The following SMAD9 variants were observed in gnomAD, a reference collection of about 807,000 sequenced individuals.
SMAD9 encodes the protein SMAD family member 9, also known as MAD homolog 9.
Under a neutral mutation model 46.1 loss-of-function variants are expected in SMAD9, and 36 were observed. The observed-to-expected ratio is 0.78, with a 90% confidence interval of 0.60 to 1.03. SMAD9 has a LOEUF of 1.03. SMAD9 is among the 50% of genes least tolerant of loss of function. SMAD9 has a pLI of 0.00. For missense variants in SMAD9, 572 were observed against 599.8 expected, an observed-to-expected ratio of 0.95 and a Z score of 0.48; for synonymous variants, 245 against 237.1, an observed-to-expected ratio of 1.03 and a Z score of -0.31.
intron 3 of SMAD9, among the ~76,000 whole-genome samples, chr13:36,870,871 A>T (rs1328195150): frequency 6.6e-6 from 1 of 152,206 alleles, no homozygotes; most frequent in Non-Finnish European, 1.5e-5. Context: ...TCAACAGTAG[A>T]TCTGATCACA....
chr13:36,893,063 T>C (rs1366836843), intron 1 of SMAD9, among the ~76,000 whole-genome samples: 2 of 152,194 alleles, frequency 1.3e-5, no homozygotes, highest in African/African-American at 4.8e-5. Flanking sequence ...ATAGAAATAG[T>C]TGGTTCAAGA....
chr13:36,885,223 C>T (rs1463013289), intron 1 of SMAD9, among the ~76,000 whole-genome samples: 2 of 152,112 alleles, frequency 1.3e-5, no homozygotes, highest in Non-Finnish European at 2.9e-5. Flanking sequence ...ATAATAAATG[C>T]TTATTTTACT....
intron 2 of SMAD9, among the ~76,000 whole-genome samples, chr13:36,874,640 G>A (rs1309400654): frequency 6.6e-6 from 1 of 151,934 alleles, no homozygotes; most frequent in Non-Finnish European, 1.5e-5. Flanking sequence ...GGTGGATCAC[G>A]AGGTCAGGAG....
Position 36,879,512 on chromosome 13 carries a change from T to G in SMAD9, c.178A>C (p.Ser60Arg), listed in dbSNP as rs748925910. The G allele has an allele frequency of 6.2e-7, 1 of 1,614,174 alleles. No individual in the cohort carries two copies. The highest frequency in any genetic ancestry group is 1.1e-5 in the South Asian group (1 of 91,090). The change falls in exon 2 of 7, where the codon AGC becomes CGC. Residue 60 changes from serine to arginine, a missense_variant. By Grantham distance (110) the Ser-to-Arg change is moderately radical. Coordinates refer to ENST00000379826, the MANE Select transcript of SMAD9 (RefSeq NM_001127217.3). ...GAMDELERAL[S>R]CPGQPSKCVT... ...CATTTGCTGGGCTGCCCCGGGCAGCTGAGAGCCCTCTCCAGCTCGTCCATG... is the reference window on the plus strand; with the variant it reads ...CATTTGCTGGGCTGCCCCGGGCAGCGGAGAGCCCTCTCCAGCTCGTCCATG...
intron 6 of SMAD9, chr13:36,851,713 G>GC (rs1294087487): frequency 1.0e-6 from 1 of 970,578 alleles, no homozygotes; most frequent in African/African-American, 1.8e-5. Flanking sequence ...AGCTACAGCT[G>GC]CTCATCTCAA....
intron 1 of SMAD9, among the ~76,000 whole-genome samples, chr13:36,902,633 T>C (rs182126884): frequency 2.4e-4 from 36 of 152,148 alleles, no homozygotes; most frequent in Admixed American, 2.2e-3. Context: ...TTTTTTTGTA[T>C]TTTTAGTAGA....
In SMAD9 at chr13:36,846,123, AT is replaced by A. The variant is rs879741300; in HGVS notation, c.*2552del. 9.7e-4 allele frequency: 145 copies of A among 148,740 alleles called. No homozygotes were observed. Among genetic ancestry groups the A allele is most frequent in the Non-Finnish European group, 1.6e-3 (104 of 66,986 alleles). 9.2% of individuals were successfully genotyped at this position (148,740 alleles called of 1,614,324 possible). On this transcript the variant is annotated 3_prime_UTR_variant, in exon 7 of 7. Coordinates refer to ENST00000379826, the MANE Select transcript of SMAD9 (RefSeq NM_001127217.3). ...TATAGGAATGAGCCACTGCATCCAG[AT>A]TTTTTTTTTGTTTTTAATGTCATTT...
chr13:36,898,429 C>T (rs1355090396), intron 1 of SMAD9, among the ~76,000 whole-genome samples: 1 of 151,760 alleles, frequency 6.6e-6, no homozygotes, highest in Non-Finnish European at 1.5e-5. Context: ...TAGCATGACC[C>T]TGATGCAAAA....
intron 1 of SMAD9, among the ~76,000 whole-genome samples, chr13:36,893,939 T>C (rs1379371089): frequency 6.6e-6 from 1 of 152,172 alleles, no homozygotes; most frequent in Non-Finnish European, 1.5e-5. Flanking sequence ...CTTTTGAATG[T>C]ATCAAATATT....
intron 1 of SMAD9, among the ~76,000 whole-genome samples, chr13:36,892,078 C>T (rs17217404): frequency 0.17 from 25,905 of 151,990 alleles, 2,719 homozygotes; most frequent in Non-Finnish European, 0.24. Context: ...TTGTCAATGA[C>T]GATGGTAGTA....
At chr13:36,862,424 C>T (rs2058191330) in intron 5 of SMAD9, among the ~76,000 whole-genome samples, 1 of 152,174 alleles carries the variant, frequency 6.6e-6, no homozygotes, top group Admixed American at 6.5e-5. Context: ...AATTATAATG[C>T]ATCAGCATGC....
At position 36,920,155 on chromosome 13, in the gene SMAD9, G is replaced by A; in HGVS notation, c.-226C>T. The A allele has an allele frequency of 6.5e-6, 1 of 154,108 alleles. No homozygotes were observed. Among genetic ancestry groups the A allele is most frequent in the Non-Finnish European group, 1.4e-5 (1 of 73,032 alleles). The allele number at this position is 154,108 out of a possible 1,614,324, so 9.5% of individuals were successfully genotyped here. A position where few individuals can be genotyped will look rare whatever the true frequency, so the allele number is the denominator to read the frequency against. The stretch of plus-strand genomic sequence containing the variant: ...CGCCCAGCGCCTGCAGGGCCCGGCG[G>A]CGGCGGCGGGGACCGAGACAGCGGC... On this transcript the variant is annotated 5_prime_UTR_variant, in exon 1 of 7. Transcript: ENST00000379826.
upstream of SMAD9, chr13:36,920,734 G>A (rs1006698785): frequency 3.3e-5 from 5 of 152,308 alleles, no homozygotes; most frequent in Admixed American, 3.3e-4. Context: ...AGACCCTTCT[G>A]AGCTGCTGTT....
At chr13:36,851,343 C>T (rs533816490) in intron 6 of SMAD9, among the ~76,000 whole-genome samples, 13 of 152,168 alleles carry the variant, frequency 8.5e-5, no homozygotes, top group Non-Finnish European at 1.3e-4. Context: ...CCAGGGGTCC[C>T]TGGGCCTAGC....
At chr13:36,853,740 C>T (rs375063299) in intron 5 of SMAD9, 65 bp from the exon 6 acceptor site, 2 of 1,562,044 alleles carry the variant, frequency 1.3e-6, no homozygotes, top group Middle Eastern at 1.7e-4. Context: ...CCCACTGATT[C>T]CTGAAACCCT....
chr13:36,902,612 C>T (rs1202058647), intron 1 of SMAD9, among the ~76,000 whole-genome samples: 1 of 152,112 alleles, frequency 6.6e-6, no homozygotes, highest in East Asian at 1.9e-4. Context: ...CGCCACCACG[C>T]CCATCTAATT....
At chr13:36,857,817 C>T (rs149941386) in intron 5 of SMAD9, among the ~76,000 whole-genome samples, 23 of 152,238 alleles carry the variant, frequency 1.5e-4, no homozygotes, top group Admixed American at 2.0e-4. Context: ...GAAGCCTCTC[C>T]ACTCCTCTTA....
At chr13:36,853,750 T>G in intron 5 of SMAD9, 75 bp from the exon 6 acceptor site, 1 of 1,505,468 alleles carries the variant, frequency 6.6e-7, no homozygotes, top group Admixed American at 1.7e-5. Flanking sequence ...CCTGAAACCC[T>G]AGGAGATGTG....
At chr13:36,874,431 C>A (rs200498925) in intron 2 of SMAD9, among the ~76,000 whole-genome samples, 2 of 152,210 alleles carry the variant, frequency 1.3e-5, no homozygotes, top group African/African-American at 4.8e-5. Context: ...GACCAATGCC[C>A]TTCTGAGGAC....
Sources: allele counts gnomAD v4.1 joint callset (sites outside exome capture counted in the v4.1 genomes callset), GRCh38; gene constraint gnomAD v4.1.1; transcripts MANE v1.5; gene names NCBI Gene and HGNC (gene_info 2026-07-23, HGNC 2026-07-21).